TTC39B: variants seen among roughly 807,000 people sequenced by gnomAD.
The protein encoded by TTC39B is tetratricopeptide repeat protein 39B.
TTC39B carries 92 observed loss-of-function variants against 96.6 expected under a neutral mutation model. The observed-to-expected ratio is 0.95, with a 90% CI of 0.80 to 1.13. TTC39B has a LOEUF of 1.13. Among genes scored for constraint, TTC39B ranks in the 50% most tolerant of loss-of-function variants. The pLI, the probability that TTC39B is intolerant of heterozygous loss-of-function variation, is 0.00. For missense variants in TTC39B, 955 were observed against 809.3 expected (o/e 1.18, Z -2.18); for synonymous variants, 367 against 299.4 (o/e 1.23, Z -2.33).
intron 2 of TTC39B, among the ~76,000 whole-genome samples, chr9:15,246,437 GAGA>G (rs1822281280): frequency 1.3e-5 from 2 of 152,112 alleles, no homozygotes; most frequent in East Asian, 1.9e-4. Context: ...TGGAAATAGA[GAGA>G]AGGACAGAGA....
chr9:15,252,705 T>A (rs904916211), intron 2 of TTC39B, among the ~76,000 whole-genome samples: 2 of 152,214 alleles, frequency 1.3e-5, no homozygotes, highest in African/African-American at 2.4e-5. Flanking sequence ...GTATGGACTT[T>A]AGTTAGTGAT....
At chr9:15,246,837 G>A (rs1157141586) in intron 2 of TTC39B, among the ~76,000 whole-genome samples, 1 of 152,192 alleles carries the variant, frequency 6.6e-6, no homozygotes, top group Admixed American at 6.5e-5. Context: ...GATTCCAAGT[G>A]GGCAGAGATG....
chr9:15,192,540 C>T lies in TTC39B; in HGVS notation c.930+50G>A, dbSNP rs1372811552. ...AATGCAGTGGAGAAGGCACAGAAAA[C>T]CTTAGGTTCTTCTACAAAAGTTCTG... is the stretch of plus-strand genomic sequence containing the variant. On this transcript the variant is annotated intron_variant, in intron 9 of 19. Transcript: ENST00000512701. The T allele has an allele frequency of 2.1e-6, 3 of 1,445,990 alleles. No individual in the cohort carries two copies. The Admixed American group carries it at 5.2e-5, about 25-fold the overall frequency. 89.6% of individuals were successfully genotyped at this position (1,445,990 alleles called of 1,614,324 possible).
intron 2 of TTC39B, among the ~76,000 whole-genome samples, chr9:15,260,679 G>A (rs958792080): frequency 4.6e-5 from 7 of 152,070 alleles, no homozygotes; most frequent in East Asian, 3.8e-4. Context: ...TTTATGGTTC[G>A]AAAGAGAAGG....
At chr9:15,235,829 A>C (rs1280622934) in intron 2 of TTC39B, among the ~76,000 whole-genome samples, 1 of 152,234 alleles carries the variant, frequency 6.6e-6, no homozygotes, top group Non-Finnish European at 1.5e-5. Flanking sequence ...AAACATGGAA[A>C]TGAAAGGACA....
intron 1 of TTC39B, among the ~76,000 whole-genome samples, chr9:15,301,049 G>A (rs1484011767): frequency 2.0e-5 from 3 of 152,004 alleles, no homozygotes; most frequent in Non-Finnish European, 4.4e-5. Flanking sequence ...ACTGTACCAA[G>A]TGCTCTCTTA....
At chr9:15,208,836 C>T (rs1420081286) in intron 6 of TTC39B, among the ~76,000 whole-genome samples, 3 of 152,264 alleles carry the variant, frequency 2.0e-5, no homozygotes, top group Non-Finnish European at 2.9e-5. Flanking sequence ...TCACATCATG[C>T]AAATGTTCCC....
chr9:15,307,167 ACT>A lies in TTC39B; in HGVS notation c.155_156del (p.Glu52ValfsTer57). 1 of 1,599,348 alleles carries A rather than the reference ACT, an allele frequency of 6.3e-7. No homozygotes were observed. Among genetic ancestry groups the A allele is most frequent in the Non-Finnish European group, 8.5e-7 (1 of 1,172,184 alleles). On this transcript the variant is annotated frameshift_variant, in exon 1 of 20. Coordinates refer to ENST00000512701, the Ensembl canonical transcript of TTC39B. LOFTEE classifies it high-confidence loss of function. ...CTGCCACCCAAAAACCAAGCAGGGA[ACT>A]CAGAGCCGACTCCTGCTCTCGGCTC...
chr9:15,185,149 G>A (rs1354975389), intron 16 of TTC39B, 131 bp downstream of exon 16: 37 of 1,173,410 alleles, frequency 3.2e-5, no homozygotes, highest in Non-Finnish European at 2.3e-6. Flanking sequence ...ATTTAGAAAT[G>A]TTCAACTTAC....
chr9:15,218,737 T>C (rs1820675918), intron 3 of TTC39B, among the ~76,000 whole-genome samples: 1 of 152,012 alleles, frequency 6.6e-6, no homozygotes, highest in East Asian at 1.9e-4. Context: ...CTTTATAAGC[T>C]TGGTTACAAA....
chr9:15,241,050 G>A (rs556532597), intron 2 of TTC39B, among the ~76,000 whole-genome samples: 3 of 152,280 alleles, frequency 2.0e-5, no homozygotes, highest in Non-Finnish European at 4.4e-5. Context: ...GCGCTCTCAC[G>A]AGTTCTCTAA....
chr9:15,172,607 G>T (rs1415756525), intron 19 of TTC39B, among the ~76,000 whole-genome samples: 2 of 152,156 alleles, frequency 1.3e-5, no homozygotes, highest in Admixed American at 1.3e-4. Context: ...AAATATCAAT[G>T]GTTTGGCCAA....
At chr9:15,225,968 G>A in exon 3 of TTC39B, 1 of 1,614,044 alleles carries the variant, frequency 6.2e-7, no homozygotes, top group Non-Finnish European at 8.5e-7. Flanking sequence ...TGTATCACAT[G>A]ATGCAAAGTG....
At chr9:15,183,396 T>C in intron 16 of TTC39B, 1 of 429,706 alleles carries the variant, frequency 2.3e-6, no homozygotes, top group South Asian at 1.7e-5. Context: ...AAAATCTTTT[T>C]ATCAGAAGAG....
chr9:15,187,916 C>T (rs1424978646), intron 14 of TTC39B, 55 bp downstream of exon 14: 1 of 1,492,044 alleles, frequency 6.7e-7, no homozygotes, highest in African/African-American at 1.4e-5. Context: ...AAATGAAAAT[C>T]ATCCTGGCCA....
chr9:15,228,396 G>A (rs1285324962), intron 2 of TTC39B, among the ~76,000 whole-genome samples: 1 of 152,116 alleles, frequency 6.6e-6, no homozygotes, highest in East Asian at 1.9e-4. Context: ...CCCGGGAGGC[G>A]GAGGTTGCAG....
intron 18 of TTC39B, 27 bp from the exon 19 acceptor site, chr9:15,175,162 A>G (rs775762940): frequency 6.9e-7 from 1 of 1,457,926 alleles, no homozygotes. Context: ...AAATCAAGTA[A>G]ATCTTAACAG....
At chr9:15,181,545 CCTGATT>C (rs1407621782) in intron 17 of TTC39B, among the ~76,000 whole-genome samples, 1 of 152,178 alleles carries the variant, frequency 6.6e-6, no homozygotes, top group African/African-American at 2.4e-5. Flanking sequence ...GCCCAGACTG[CCTGATT>C]CTGATACTCC....
chr9:15,281,625 CAAAAAA>C (rs1161175672), intron 1 of TTC39B, among the ~76,000 whole-genome samples: 25 of 49,004 alleles, frequency 5.1e-4, no homozygotes, highest in African/African-American at 2.2e-3. Context: ...CCTGCAACAG[CAAAAAA>C]AAAAAAAAAA....
Sources: allele counts gnomAD v4.1 joint callset (sites outside exome capture counted in the v4.1 genomes callset), GRCh38; gene constraint gnomAD v4.1.1; transcripts MANE v1.5; gene names NCBI Gene and HGNC (gene_info 2026-07-23, HGNC 2026-07-21).